CLASP1: variants seen among roughly 807,000 people sequenced by gnomAD.
CLASP1 encodes the protein CLIP-associating protein 1.
Under a neutral mutation model 192.3 loss-of-function variants are expected in CLASP1, and 38 were observed. That is an observed-to-expected ratio of 0.20 (90% CI 0.15 to 0.26). CLASP1 has a LOEUF of 0.26. CLASP1 is among the 10% of genes least tolerant of loss of function. The pLI is 1.00. For synonymous variants in CLASP1, 691 were observed against 712.8 expected (o/e 0.97, Z 0.49); for missense variants, 1,433 against 1,932.5 (o/e 0.74, Z 4.85).
At chr2:121,444,957 T>C in intron 19 of CLASP1, 1 of 1,359,006 alleles carries the variant, frequency 7.4e-7, no homozygotes, top group Non-Finnish European at 9.8e-7. Flanking sequence ...TTAGTGGTAG[T>C]ACCATCTTTA....
At chr2:121,464,971 C>T (rs751656477) in intron 9 of CLASP1, among the ~76,000 whole-genome samples, 1 of 152,066 alleles carries the variant, frequency 6.6e-6, no homozygotes, top group Non-Finnish European at 1.5e-5. Flanking sequence ...ATTCGACAAC[C>T]CTTCATGCTA....
At chr2:121,462,510 A>G (rs2088308164) in intron 10 of CLASP1, 22 bp downstream of exon 10, 1 of 1,366,378 alleles carries the variant, frequency 7.3e-7, no homozygotes, top group Non-Finnish European at 1.0e-6. Flanking sequence ...GTTTGTAATC[A>G]TACTCAAATA....
intron 2 of CLASP1, among the ~76,000 whole-genome samples, chr2:121,593,437 T>C (rs2105776412): frequency 6.6e-6 from 1 of 151,058 alleles, no homozygotes; most frequent in East Asian, 2.0e-4. Flanking sequence ...CTGACCAACA[T>C]GGTAAAACTC....
chr2:121,513,853 TG>T (rs991860960), intron 7 of CLASP1, among the ~76,000 whole-genome samples: 1 of 152,206 alleles, frequency 6.6e-6, no homozygotes, highest in Non-Finnish European at 1.5e-5. Flanking sequence ...GGGTTTTTCC[TG>T]GGGGCTGGTC....
exon 12 of CLASP1, chr2:121,460,057 A>T (rs1213245531): frequency 4.3e-6 from 7 of 1,613,644 alleles, no homozygotes; most frequent in Non-Finnish European, 4.2e-6. Context: ...CATCCAAAAG[A>T]CGCAAATGTT....
intron 2 of CLASP1, among the ~76,000 whole-genome samples, chr2:121,581,302 C>G (rs372995253): frequency 1.8e-5 from 2 of 108,718 alleles, no homozygotes; most frequent in African/African-American, 7.6e-5. Flanking sequence ...GAGTCTCGCT[C>G]TGTCGCCCAG....
At chr2:121,365,353 G>T in intron 35 of CLASP1, 69 bp from the exon 37 acceptor site, 1 of 1,406,248 alleles carries the variant, frequency 7.1e-7, no homozygotes, top group Non-Finnish European at 9.8e-7. Flanking sequence ...GCTCAGTGGT[G>T]CGCAGTGATC....
intron 2 of CLASP1, among the ~76,000 whole-genome samples, chr2:121,543,497 T>C (rs2095271868): frequency 6.6e-6 from 1 of 152,132 alleles, no homozygotes; most frequent in African/African-American, 2.4e-5. Flanking sequence ...GTTTCCCATA[T>C]GGACTTTCAA....
At chr2:121,527,845 G>A (rs746501087) in exon 5 of CLASP1, 1 of 1,613,950 alleles carries the variant, frequency 6.2e-7, no homozygotes, top group Non-Finnish European at 8.5e-7. Context: ...TCTCGAGTAC[G>A]GAAATTCTTG....
chr2:121,482,263 T>G (rs1411599956), intron 8 of CLASP1, among the ~76,000 whole-genome samples: 1 of 152,116 alleles, frequency 6.6e-6, no homozygotes, highest in Non-Finnish European at 1.5e-5. Context: ...AGCTTCCCTC[T>G]GCACCTGGAC....
intron 6 of CLASP1, among the ~76,000 whole-genome samples, chr2:121,518,231 CAAAAAAAAAAA>C (rs35409200): frequency 1.2e-3 from 59 of 49,594 alleles, no homozygotes; most frequent in African/African-American, 3.7e-3. Context: ...ACCCCCGTCT[CAAAAAAAAAAA>C]AAAAAAAAAA....
At chr2:121,474,914 GACGC>G (rs949531039) in intron 8 of CLASP1, among the ~76,000 whole-genome samples, 1 of 152,180 alleles carries the variant, frequency 6.6e-6, no homozygotes, top group Non-Finnish European at 1.5e-5. Flanking sequence ...TGAGAAGGAG[GACGC>G]AAGAATTAAG....
intron 16 of CLASP1, among the ~76,000 whole-genome samples, chr2:121,449,723 C>A (rs1178397070): frequency 6.6e-6 from 1 of 152,076 alleles, no homozygotes; most frequent in Non-Finnish European, 1.5e-5. Context: ...TTGGTAGAAA[C>A]TAGCAAAGAA....
intron 3 of CLASP1, 122 bp downstream of exon 3, chr2:121,530,125 G>C: frequency 2.6e-6 from 2 of 771,322 alleles, no homozygotes; most frequent in Non-Finnish European, 4.3e-6. Context: ...GGAGCGGAAG[G>C]GAGGGAGAGG....
At chr2:121,648,849 G>T (rs938052203) in intron 1 of CLASP1, among the ~76,000 whole-genome samples, 1 of 152,352 alleles carries the variant, frequency 6.6e-6, no homozygotes, top group South Asian at 2.1e-4. Context: ...CGCCGCTCGC[G>T]CAGCTTTTGT....
At chr2:121,575,098 G>A (rs1486742826) in intron 2 of CLASP1, among the ~76,000 whole-genome samples, 1 of 151,768 alleles carries the variant, frequency 6.6e-6, no homozygotes, top group Non-Finnish European at 1.5e-5. Context: ...TACAATTTCT[G>A]TCAATTAAAA....
chr2:121,450,997 A>T lies in CLASP1; in HGVS notation c.1446-7T>A. The T allele has an allele frequency of 2.6e-6, 4 of 1,548,230 alleles. No homozygotes were observed. Among genetic ancestry groups the T allele is most frequent in the Non-Finnish European group, 3.6e-6 (4 of 1,124,838 alleles). ...AGCTAATACTGATATGTGTCTAGAT[A>T]TTTAGAAAAGAAAGCAGTAACAATC... On this transcript the variant is annotated splice_region_variant and splice_polypyrimidine_tract_variant and intron_variant, in intron 15 of 39. Transcript: ENST00000263710.
chr2:121,591,508 T>C (rs556739065), intron 2 of CLASP1, among the ~76,000 whole-genome samples: 1 of 152,296 alleles, frequency 6.6e-6, no homozygotes, highest in South Asian at 2.1e-4. Context: ...CTGAGGTCTT[T>C]CAATGGCTTC....
chr2:121,362,689 T>C (rs1265172236), intron 37 of CLASP1, among the ~76,000 whole-genome samples: 1 of 152,172 alleles, frequency 6.6e-6, no homozygotes, highest in African/African-American at 2.4e-5. Flanking sequence ...ATGAGAAACT[T>C]TGTGAAAATA....
Sources: allele counts gnomAD v4.1 joint callset (sites outside exome capture counted in the v4.1 genomes callset), GRCh38; gene constraint gnomAD v4.1.1; transcripts MANE v1.5; gene names NCBI Gene and HGNC (gene_info 2026-07-23, HGNC 2026-07-21).